PLEKHA5: variants seen among roughly 807,000 people sequenced by gnomAD.
The protein encoded by PLEKHA5 is pleckstrin homology domain containing A5.
In PLEKHA5, 55 loss-of-function variants were observed where a neutral mutation model predicts 181.9. The observed-to-expected ratio is 0.30, with a 90% CI of 0.24 to 0.38. The LOEUF (loss-of-function observed/expected upper bound fraction) is 0.38, where lower values mean the gene tolerates loss of function less well. Among genes scored for constraint, PLEKHA5 ranks in the 10% least tolerant of loss-of-function variants. The probability of loss-of-function intolerance (pLI) is 1.00; values close to 1 mark genes in which losing one functional copy is unlikely to be tolerated. For synonymous variants in PLEKHA5, 535 were observed against 529.4 expected, an observed-to-expected ratio of 1.01 and a Z score of -0.15; for missense variants, 1,432 against 1,549.5, an observed-to-expected ratio of 0.92 and a Z score of 1.27.
Position 19,283,388 on chromosome 12 carries a change from G to T in PLEKHA5, c.1422G>T (p.Arg474Ser). ...CACTCCCAAGAAACAGCAAGACAAG[G>T]CCTGAAAGTATCTGCAGTGTAACCC... The part of the protein sequence containing the change: ...YRTLPRNSKT[R>S]PESICSVTPS... The change falls in exon 12 of 32, where the codon AGG becomes AGT. Residue 474 changes from arginine (R) to serine (S), a missense_variant. Coordinates refer to ENST00000429027, the MANE Select transcript of PLEKHA5 (RefSeq NM_001256470.2). 1 of 1,613,918 alleles carries T rather than the reference G, an allele frequency of 6.2e-7. No individual in the cohort carries two copies.
At position 19,347,031 on chromosome 12, in the gene PLEKHA5, G is replaced by C; in HGVS notation, c.2747G>C (p.Arg916Pro). 5.8e-6 allele frequency: 9 copies of C among 1,550,320 alleles called. No individual in the cohort carries two copies. The highest frequency in any genetic ancestry group is 2.0e-5 in the Admixed American group (1 of 50,878). The change falls in exon 24 of 32, where the codon CGG becomes CCG. Residue 916 changes from arginine to proline, a missense_variant. By Grantham distance (103) the Arg-to-Pro change is moderately radical. This residue lies in a region of PLEKHA5 where 1,143 missense variants were observed against 1,168.4 expected (regional missense o/e 0.98). Coordinates refer to ENST00000429027, the MANE Select transcript of PLEKHA5 (RefSeq NM_001256470.2). ...EVVPPRPPLPRSYDFTEQPPI... is the reference protein window; with the variant it reads ...EVVPPRPPLPPSYDFTEQPPI... ...GTCCCACCTCGTCCTCCACTTCCTC[G>C]GTCCTATGACTTTACAGAGCAGCCT...
intron 20 of PLEKHA5, among the ~76,000 whole-genome samples, chr12:19,332,494 T>G (rs1213759874): frequency 2.0e-5 from 3 of 152,090 alleles, no homozygotes; most frequent in African/African-American, 7.2e-5. Context: ...TAAAATTGTT[T>G]TAGAGACAGG....
chr12:19,208,141 C>T (rs955716511), intron 3 of PLEKHA5, among the ~76,000 whole-genome samples: 1 of 152,078 alleles, frequency 6.6e-6, no homozygotes, highest in African/African-American at 2.4e-5. Flanking sequence ...GGTGTGGTGG[C>T]TCACACCTGT....
intron 11 of PLEKHA5, among the ~76,000 whole-genome samples, chr12:19,279,508 C>G (rs1394820180): frequency 6.6e-6 from 1 of 151,830 alleles, no homozygotes; most frequent in Non-Finnish European, 1.5e-5. Context: ...ACTAAAAATA[C>G]AAAAATTAGC....
rs2063438414 is a variant in PLEKHA5 at position 19,245,250 on chromosome 12, GA to G, written c.228-8686del. Among the ~76,000 whole-genome samples, 3 of 152,256 alleles carry G rather than the reference GA, an allele frequency of 2.0e-5. No individual in the cohort carries two copies. The South Asian group carries it at 6.2e-4, about 32-fold the overall frequency. The stretch of plus-strand genomic sequence containing the variant: ...ACCATGTGTAAGTTGCTTTGTCTAA[GA>G]AAACAGAATATTTCTTAGCTAATAG... On this transcript the variant is annotated intron_variant, in intron 3 of 31. Coordinates refer to ENST00000429027, the MANE Select transcript of PLEKHA5 (RefSeq NM_001256470.2).
intron 11 of PLEKHA5, among the ~76,000 whole-genome samples, chr12:19,278,259 C>G (rs1316709040): frequency 6.6e-6 from 1 of 152,098 alleles, no homozygotes; most frequent in Non-Finnish European, 1.5e-5. Flanking sequence ...TGTTAATGAT[C>G]ATATGATAGT....
At chr12:19,355,482 G>A (rs1011034201) in intron 26 of PLEKHA5, among the ~76,000 whole-genome samples, 1 of 151,140 alleles carries the variant, frequency 6.6e-6, no homozygotes, top group African/African-American at 2.4e-5. Flanking sequence ...CTCCTGGCTA[G>A]CTGGGACAAT....
intron 3 of PLEKHA5, among the ~76,000 whole-genome samples, chr12:19,138,766 A>G (rs1053229568): frequency 6.6e-6 from 1 of 152,046 alleles, no homozygotes; most frequent in Non-Finnish European, 1.5e-5. Context: ...GAACACGTAT[A>G]ATATGTGAAT....
Position 19,353,887 on chromosome 12 carries a change from C to T in PLEKHA5, c.3023C>T (p.Ser1008Phe), listed in dbSNP as rs764608687. Residue 1008 changes from serine (S) to phenylalanine (F), a missense_variant, in exon 26 of 32, where the codon TCC becomes TTC. Around this residue, in one of 2 missense-constraint regions of PLEKHA5, gnomAD observed 1,143 missense variants for 1,168.4 expected, o/e 0.98. Coordinates refer to ENST00000429027, the MANE Select transcript of PLEKHA5 (RefSeq NM_001256470.2). The part of the protein sequence containing the change: ...SEIETSVVKG[S>F]HFPVGVVPPR... ...TTACTGCTGTTTTAATTTTTAGGTT[C>T]CCACTTTCCTGTTGGAGTAGTCCCT... 3 of 1,499,378 alleles carry T rather than the reference C, an allele frequency of 2.0e-6. No individual in the cohort carries two copies. The Admixed American group carries it at 5.1e-5, about 26-fold the overall frequency. 92.9% of individuals were successfully genotyped at this position (1,499,378 alleles called of 1,614,324 possible).
chr12:19,343,348 C>T lies in PLEKHA5; in HGVS notation c.2576C>T (p.Ala859Val), dbSNP rs745778256. ...ACGGAATCAGCAGGAATTCAGCGTG[C>T]ACAGATTCAGAAAGAACTTTGGCGA... Reference protein sequence around the residue: ...VQTESAGIQRAQIQKELWRIQ... With the variant: ...VQTESAGIQRVQIQKELWRIQ... The change falls in exon 22 of 32, where the codon GCA (alanine) becomes GTA (valine). Residue 859 changes from alanine to valine, a missense_variant. By Grantham distance (64) the Ala-to-Val change is moderately conservative (BLOSUM62 0). Coordinates refer to ENST00000429027, the MANE Select transcript of PLEKHA5 (RefSeq NM_001256470.2). The T allele has an allele frequency of 1.2e-6, 2 of 1,613,082 alleles. No individual in the cohort carries two copies.
At chr12:19,161,018 A>G (rs1316818555) in intron 3 of PLEKHA5, among the ~76,000 whole-genome samples, 3 of 152,170 alleles carry the variant, frequency 2.0e-5, no homozygotes, top group African/African-American at 7.2e-5. Flanking sequence ...TAGAAACACT[A>G]GTCTTTTAAT....
intron 15 of PLEKHA5, among the ~76,000 whole-genome samples, chr12:19,310,609 CAA>C (rs5796796): frequency 9.8e-5 from 11 of 111,930 alleles, no homozygotes; most frequent in Admixed American, 1.0e-4. Context: ...GACTCCCTCT[CAA>C]AAAAAAAAAA....
chr12:19,196,301 G>A (rs1261344484), intron 3 of PLEKHA5, among the ~76,000 whole-genome samples: 3 of 152,132 alleles, frequency 2.0e-5, no homozygotes, highest in Non-Finnish European at 4.4e-5. Flanking sequence ...TTTAATAGTA[G>A]ATTTTTCATA....
intron 3 of PLEKHA5, among the ~76,000 whole-genome samples, chr12:19,185,117 G>A (rs1186745841): frequency 2.0e-5 from 3 of 150,216 alleles, no homozygotes; most frequent in Non-Finnish European, 3.0e-5. Flanking sequence ...TTTAACATTG[G>A]TTCTTCACTT....
chr12:19,294,993 A>G (rs974479613), intron 15 of PLEKHA5, among the ~76,000 whole-genome samples: 2 of 152,220 alleles, frequency 1.3e-5, no homozygotes, highest in African/African-American at 2.4e-5. Context: ...GTACACTATT[A>G]CAGTTTGTTT....
At chr12:19,182,042 T>C (rs1438299464) in intron 3 of PLEKHA5, among the ~76,000 whole-genome samples, 1 of 152,206 alleles carries the variant, frequency 6.6e-6, no homozygotes, top group Admixed American at 6.5e-5. Flanking sequence ...TCAGTAGTTA[T>C]TTTTAGCAGC....
At chr12:19,242,896 A>G (rs2062938342) in intron 3 of PLEKHA5, among the ~76,000 whole-genome samples, 1 of 152,214 alleles carries the variant, frequency 6.6e-6, no homozygotes, top group Admixed American at 6.5e-5. Flanking sequence ...GTGAGGTAAC[A>G]TTTCTAAATC....
In PLEKHA5 at chr12:19,219,741, AC is replaced by A. The variant is rs2058632125; in HGVS notation, c.228-34197del. On this transcript the variant is annotated intron_variant, in intron 3 of 31. Coordinates refer to ENST00000429027, the MANE Select transcript of PLEKHA5 (RefSeq NM_001256470.2). ...TTCAGAGGGGAAGGTTATTCTCTGT[AC>A]CTAATGTATAGGCTCAATTTCTGGT... Among the ~76,000 whole-genome samples, 5 of 152,156 alleles carry A rather than the reference AC, an allele frequency of 3.3e-5. No individual in the cohort carries two copies. The South Asian group carries it at 1.0e-3, about 32-fold the overall frequency.
At position 19,258,123 on chromosome 12, in the gene PLEKHA5, T is replaced by C. The variant is rs188780678; in HGVS notation, c.537+586T>C. Among the ~76,000 whole-genome samples, 235 of 152,252 alleles carry C rather than the reference T, an allele frequency of 1.5e-3. 3 individuals are homozygous for C. The highest frequency in any genetic ancestry group is 0.013 in the Admixed American group (201 of 15,270). ...TCTCAGGCGTCCTGATTGGTTGATA[T>C]TGCTGCACTGACTGGGGAACTTGCT... On this transcript the variant is annotated intron_variant, in intron 6 of 31. Coordinates refer to ENST00000429027, the MANE Select transcript of PLEKHA5 (RefSeq NM_001256470.2).
Sources: allele counts gnomAD v4.1 joint callset (sites outside exome capture counted in the v4.1 genomes callset), GRCh38; gene constraint gnomAD v4.1.1; regional missense constraint gnomAD v4.1.1; transcripts MANE v1.5; gene names NCBI Gene and HGNC (gene_info 2026-07-23, HGNC 2026-07-21).